Variants in ALPL observed in about 807,000 individuals in gnomAD.
ALPL encodes alkaline phosphatase, biomineralization associated, also known as alkaline phosphatase, tissue-nonspecific isozyme.
ALPL carries 42 observed loss-of-function variants against 51.3 expected under a neutral mutation model. That is an observed-to-expected ratio of 0.82 (90% confidence interval 0.64 to 1.06). The LOEUF is 1.06. Ranked by LOEUF, ALPL falls within the 50% of genes least tolerant of loss-of-function variation. The probability of loss-of-function intolerance (pLI) is 0.00; values close to 1 mark genes in which losing one functional copy is unlikely to be tolerated. For missense variants in ALPL, 589 were observed against 709.4 expected (o/e 0.83, Z 1.93); for synonymous variants, 279 against 296.4 (o/e 0.94, Z 0.60).
chr1:21,563,302 TGG>T lies in ALPL; in HGVS notation c.472+21_472+22del, dbSNP rs753428820. The T allele has an allele frequency of 6.9e-6, 11 of 1,603,178 alleles. No homozygotes were observed. In the East Asian group the frequency reaches 2.2e-4, roughly 33 times the overall value. On this transcript the variant is annotated intron_variant, in intron 5 of 11. Coordinates refer to ENST00000374840, the MANE Select transcript of ALPL (RefSeq NM_000478.6). ...GGACGCTGGTGAGTCGGGGGAGCAG[TGG>T]GGAGCAGGGCCAGCTTCGTGGCCTG...
At chr1:21,525,345 C>T (rs1643928012) in intron 1 of ALPL, among the ~76,000 whole-genome samples, 1 of 152,250 alleles carries the variant, frequency 6.6e-6, no homozygotes, top group South Asian at 2.1e-4. Context: ...AGGAAAAATG[C>T]ATGGCCCATA....
chr1:21,519,846 C>T (rs1033567355), intron 1 of ALPL, among the ~76,000 whole-genome samples: 2 of 152,064 alleles, frequency 1.3e-5, no homozygotes, highest in African/African-American at 4.8e-5. Context: ...TGGTGGGCCC[C>T]GGACCACACA....
Position 21,564,278 on chromosome 1 carries a change from G to A in ALPL, c.648+62G>A. The A allele has an allele frequency of 2.5e-6, 4 of 1,597,806 alleles. No homozygotes were observed. The highest frequency in any genetic ancestry group is 1.1e-5 in the South Asian group (1 of 90,574). On this transcript the variant is annotated intron_variant, in intron 6 of 11. Transcript: ENST00000374840. This position sits in a 1 kb window ranked among gnomAD's most constrained non-coding sequence, Gnocchi z 5.8. Reference sequence around the variant, plus strand: ...AGGCGGGGCCTCTGGTGGGCAGGAGGCCTCAGGCCCAGGCTGGCCCGGAGA... The same window carrying A: ...AGGCGGGGCCTCTGGTGGGCAGGAGACCTCAGGCCCAGGCTGGCCCGGAGA...
In ALPL at chr1:21,563,100, C is replaced by T. The variant is rs2148158029; in HGVS notation, c.298-10C>T. On this transcript the variant is annotated splice_polypyrimidine_tract_variant and intron_variant, in intron 4 of 11. Coordinates refer to ENST00000374840, the MANE Select transcript of ALPL (RefSeq NM_000478.6). ...CTGGCCATCTCCTGACCCTCCTCTC[C>T]CACCTGCAGACGTACAACACCAATG... 1 of 1,613,504 alleles carries T rather than the reference C, an allele frequency of 6.2e-7. No individual in the cohort carries two copies. The highest frequency in any genetic ancestry group is 1.6e-4 in the Middle Eastern group (1 of 6,062).
chr1:21,522,290 G>A (rs959949224), intron 1 of ALPL, among the ~76,000 whole-genome samples: 12 of 152,124 alleles, frequency 7.9e-5, no homozygotes, highest in Non-Finnish European at 5.9e-5. Flanking sequence ...TAGCCAGGAT[G>A]GTCTCCATCT....
At chr1:21,519,859 G>A (rs1171092181) in intron 1 of ALPL, among the ~76,000 whole-genome samples, 1 of 152,112 alleles carries the variant, frequency 6.6e-6, no homozygotes, top group Non-Finnish European at 1.5e-5. Flanking sequence ...ACCACACAGC[G>A]AATAAACGGT....
At position 21,528,258 on chromosome 1, in the gene ALPL, G is replaced by A. The variant is rs568760613; in HGVS notation, c.-105+18741G>A. Reference sequence around the variant, plus strand: ...TGGTCTCGAACTCCTGGGCTTAAGCGATCCTCCTGCCGTGGCCTCCCAAGG... The same window carrying A: ...TGGTCTCGAACTCCTGGGCTTAAGCAATCCTCCTGCCGTGGCCTCCCAAGG... On this transcript the variant is annotated intron_variant, in intron 1 of 11. Coordinates refer to ENST00000374840, the MANE Select transcript of ALPL (RefSeq NM_000478.6). Among the ~76,000 whole-genome samples, 9 of 151,568 alleles carry A rather than the reference G, an allele frequency of 5.9e-5. No homozygotes were observed. In the South Asian group the frequency reaches 6.3e-4, roughly 11 times the overall value.
intron 2 of ALPL, among the ~76,000 whole-genome samples, 165 bp from the exon 3 acceptor site, chr1:21,560,461 G>A (rs951457174): frequency 1.3e-5 from 2 of 152,138 alleles, no homozygotes; most frequent in Admixed American, 1.3e-4. Context: ...GATCTGGATG[G>A]CACATATTTA....
At chr1:21,532,302 C>T (rs1644041091) in intron 1 of ALPL, among the ~76,000 whole-genome samples, 1 of 152,076 alleles carries the variant, frequency 6.6e-6, no homozygotes, top group African/African-American at 2.4e-5. Context: ...AGCGATTCTC[C>T]CACCTGAGCC....
chr1:21,577,001 A>T (rs1442255839), intron 11 of ALPL, among the ~76,000 whole-genome samples: 1 of 152,144 alleles, frequency 6.6e-6, no homozygotes, highest in African/African-American at 2.4e-5. Context: ...TCTTGGCCCT[A>T]TAATATTCCA....
intron 1 of ALPL, among the ~76,000 whole-genome samples, chr1:21,511,627 T>G (rs1643689136): frequency 6.6e-6 from 1 of 152,188 alleles, no homozygotes; most frequent in African/African-American, 2.4e-5. Context: ...CCCTCTTTGC[T>G]CACACTCAGA....
At chr1:21,518,296 T>C (rs1643839470) in intron 1 of ALPL, among the ~76,000 whole-genome samples, 1 of 152,006 alleles carries the variant, frequency 6.6e-6, no homozygotes, top group African/African-American at 2.4e-5. Context: ...ATAGTAGTAA[T>C]AAGAGTTCTC....
intron 2 of ALPL, among the ~76,000 whole-genome samples, chr1:21,555,916 G>A (rs1003137885): frequency 6.6e-6 from 1 of 151,788 alleles, no homozygotes; most frequent in African/African-American, 2.4e-5. Context: ...GACTACAGGT[G>A]CCCGCCACCA....
At chr1:21,530,754 C>T (rs1185102977) in intron 1 of ALPL, among the ~76,000 whole-genome samples, 1 of 150,216 alleles carries the variant, frequency 6.7e-6, no homozygotes, top group Non-Finnish European at 1.5e-5. Context: ...TGCAGTTCCA[C>T]ATTGTTTGCT....
intron 11 of ALPL, among the ~76,000 whole-genome samples, chr1:21,576,910 T>C (rs1644745523): frequency 6.6e-6 from 1 of 152,226 alleles, no homozygotes; most frequent in South Asian, 2.1e-4. Flanking sequence ...CCTTTGACGG[T>C]TGTCTGAATG....
intron 1 of ALPL, among the ~76,000 whole-genome samples, chr1:21,521,785 T>C (rs1422469124): frequency 6.6e-6 from 1 of 152,216 alleles, no homozygotes; most frequent in Non-Finnish European, 1.5e-5. Flanking sequence ...GCCAATGTCT[T>C]TGTCCATTTT....
intron 1 of ALPL, among the ~76,000 whole-genome samples, chr1:21,524,462 C>T (rs1303984738): frequency 6.6e-6 from 1 of 151,954 alleles, no homozygotes; most frequent in Non-Finnish European, 1.5e-5. Context: ...AGCTACCGCA[C>T]TCCAGCCTGG....
chr1:21,539,541 A>G (rs1644153284), intron 1 of ALPL, among the ~76,000 whole-genome samples: 1 of 152,160 alleles, frequency 6.6e-6, no homozygotes, highest in Non-Finnish European at 1.5e-5. Context: ...TTGCCTTTCC[A>G]GTAATTGCCC....
Position 21,578,057 on chromosome 1 carries a change from C to T in ALPL, c.*409C>T, listed in dbSNP as rs1644767092. Reference sequence around the variant, plus strand: ...GACCCTCCCACTCCCATCTCCTTACCTCTGGAACCCCCCAGGCCCTACAAT... The same window carrying T: ...GACCCTCCCACTCCCATCTCCTTACTTCTGGAACCCCCCAGGCCCTACAAT... On this transcript the variant is annotated 3_prime_UTR_variant, in exon 12 of 12. Transcript: ENST00000374840. The surrounding 1 kb of genome is among the most constrained non-coding windows in gnomAD (Gnocchi z 4.2). 5.1e-5 allele frequency: 13 copies of T among 254,766 alleles called. No individual in the cohort carries two copies. The South Asian group carries it at 7.2e-4, about 14-fold the overall frequency. 15.8% of individuals were successfully genotyped at this position (254,766 alleles called of 1,614,324 possible).
Sources: allele counts gnomAD v4.1 joint callset (sites outside exome capture counted in the v4.1 genomes callset), GRCh38; gene constraint gnomAD v4.1.1; non-coding constraint Gnocchi (gnomAD v3.1); transcripts MANE v1.5; gene names NCBI Gene and HGNC (gene_info 2026-07-23, HGNC 2026-07-21).